The following CSMD2 variants were observed in gnomAD, a reference collection of about 807,000 sequenced individuals.
CSMD2 encodes the protein CUB and sushi domain-containing protein 2.
A neutral mutation model predicts 398.5 loss-of-function variants in CSMD2; 130 were observed. The observed-to-expected ratio is 0.33, with a 90% CI of 0.28 to 0.38. CSMD2 has a LOEUF of 0.38. CSMD2 is among the 10% of genes least tolerant of loss of function. CSMD2 has a pLI of 1.00. For synonymous variants in CSMD2, 1,828 were observed against 1,908.5 expected, an observed-to-expected ratio of 0.96 and a Z score of 1.10; for missense variants, 3,829 against 4,764.9, an observed-to-expected ratio of 0.80 and a Z score of 5.78.
intron 1 of CSMD2, among the ~76,000 whole-genome samples, chr1:34,129,630 C>T (rs1261088537): frequency 1.3e-5 from 2 of 152,008 alleles, no homozygotes; most frequent in South Asian, 2.1e-4. Context: ...CCAGCCTAGG[C>T]GATAGAGCAA....
At chr1:33,837,333 A>G (rs1175539500) in intron 6 of CSMD2, among the ~76,000 whole-genome samples, 2 of 152,234 alleles carry the variant, frequency 1.3e-5, no homozygotes, top group African/African-American at 2.4e-5. Flanking sequence ...AAGATGAACA[A>G]CATAGAAAGA....
intron 1 of CSMD2, among the ~76,000 whole-genome samples, chr1:34,154,170 G>A (rs1200049708): frequency 1.3e-5 from 2 of 152,192 alleles, no homozygotes; most frequent in Admixed American, 6.5e-5. Flanking sequence ...TCAGAGAAGT[G>A]TAAATTAATA....
chr1:33,636,495 A>T lies in CSMD2; in HGVS notation c.4834T>A (p.Ser1612Thr). 1.2e-6 allele frequency: 2 copies of T among 1,613,956 alleles called. No individual in the cohort carries two copies. The highest frequency in any genetic ancestry group is 1.7e-6 in the Non-Finnish European group (2 of 1,179,990). The change falls in exon 30 of 71, where the codon TCC becomes ACC. Residue 1612 changes from serine to threonine, a missense_variant. Physicochemically the swap from Ser to Thr is moderately conservative, Grantham distance 58 (BLOSUM62 1). This residue lies in a region of CSMD2 where 2,001 missense variants were observed against 2,567.1 expected (regional missense o/e 0.78). Transcript: ENST00000373381. This position sits in a 1 kb window ranked among gnomAD's most constrained non-coding sequence, Gnocchi z 4.8. ...ACGGAGGAGCCCAGCTTCAGGTCGG[A>T]CCCCACCCGTGTGCCGTTCTTGATG... Reference protein sequence around the residue: ...GSIKNGTRVGSDLKLGSSVTY... With the variant: ...GSIKNGTRVGTDLKLGSSVTY...
intron 10 of CSMD2, 38 bp from the exon 11 acceptor site, chr1:33,792,564 T>A (rs1208959031): frequency 7.0e-7 from 1 of 1,425,948 alleles, no homozygotes; most frequent in African/African-American, 1.4e-5. Flanking sequence ...AGGCAGGGGC[T>A]GTGAGGAAGC....
chr1:33,526,886 A>G (rs772945753), intron 65 of CSMD2, among the ~76,000 whole-genome samples: 2 of 152,178 alleles, frequency 1.3e-5, no homozygotes, highest in Non-Finnish European at 2.9e-5. Context: ...GCCTGGGTCA[A>G]TGTGTTTGTA....
chr1:33,914,385 A>AGTGTGTGTGT (rs72433922), intron 5 of CSMD2, among the ~76,000 whole-genome samples: 14 of 139,804 alleles, frequency 1.0e-4, no homozygotes, highest in African/African-American at 2.2e-4. Context: ...ACGATTTGGC[A>AGTGTGTGTGT]GTGTGTGTGT....
chr1:34,083,473 AC>A (rs549778190), intron 2 of CSMD2, among the ~76,000 whole-genome samples: 28 of 152,228 alleles, frequency 1.8e-4, no homozygotes, highest in Non-Finnish European at 3.2e-4. Context: ...TTCTCAGTCC[AC>A]TGAAATATTA....
At chr1:33,909,800 C>A (rs1643348348) in intron 5 of CSMD2, among the ~76,000 whole-genome samples, 1 of 152,188 alleles carries the variant, frequency 6.6e-6, no homozygotes, top group Admixed American at 6.5e-5. Flanking sequence ...CCAGTCTTAT[C>A]CCAATGACTG....
In CSMD2 at chr1:33,624,817, G is replaced by T. The variant is rs1465753312; in HGVS notation, c.5501-174C>A. Among the ~76,000 whole-genome samples, 2 of 152,086 alleles carry T rather than the reference G, an allele frequency of 1.3e-5. No individual in the cohort carries two copies. The highest frequency in any genetic ancestry group is 2.9e-5 in the Non-Finnish European group (2 of 68,004). ...GCCTCTCCCCATGCAACTCTGTTCGGGGCCCTGGGCCCAGCTCCTCTCTCC... is the reference window on the plus strand; with the variant it reads ...GCCTCTCCCCATGCAACTCTGTTCGTGGCCCTGGGCCCAGCTCCTCTCTCC... On this transcript the variant is annotated intron_variant, in intron 34 of 70. Transcript: ENST00000373381. The surrounding 1 kb of genome is among the most constrained non-coding windows in gnomAD (Gnocchi z 4.7).
chr1:33,581,529 CA>C (rs59068586), intron 47 of CSMD2, among the ~76,000 whole-genome samples: 8,921 of 35,906 alleles, frequency 0.25, 166 homozygotes, highest in African/African-American at 0.34. Flanking sequence ...GACTCAGTCT[CA>C]AAAAAAAAAA....
chr1:33,668,665 TC>T (rs1644392305), intron 25 of CSMD2, among the ~76,000 whole-genome samples: 1 of 152,102 alleles, frequency 6.6e-6, no homozygotes, highest in Non-Finnish European at 1.5e-5. Flanking sequence ...AGTTTGCAGC[TC>T]CCCTCCCCAT....
rs572224809 is a variant in CSMD2 at position 33,624,370 on chromosome 1, C to A, written c.5625+149G>T. On this transcript the variant is annotated intron_variant, in intron 35 of 70. Coordinates refer to ENST00000373381, the MANE Select transcript of CSMD2 (RefSeq NM_001281956.2). This position sits in a 1 kb window ranked among gnomAD's most constrained non-coding sequence, Gnocchi z 4.7. ...CACACTTGGACTGAGCCTCCTTAGC[C>A]GCAGGGGCAGGTACAGGGCTGATAT... The A allele has an allele frequency of 1.3e-5, 12 of 958,396 alleles. No homozygotes were observed. Among genetic ancestry groups the A allele is most frequent in the Non-Finnish European group, 1.8e-5 (12 of 659,916 alleles). The allele number at this position is 958,396 out of a possible 1,614,324, so 59.4% of individuals were successfully genotyped here.
chr1:33,691,365 T>C (rs1645233858), intron 25 of CSMD2, among the ~76,000 whole-genome samples: 1 of 152,200 alleles, frequency 6.6e-6, no homozygotes, highest in Non-Finnish European at 1.5e-5. Flanking sequence ...GCAGGATGAA[T>C]GTGCATATTT....
intron 4 of CSMD2, among the ~76,000 whole-genome samples, chr1:33,931,369 A>G (rs1644307192): frequency 6.6e-6 from 1 of 152,204 alleles, no homozygotes; most frequent in Non-Finnish European, 1.5e-5. Context: ...CTCCTAAGGA[A>G]GAACAGTTTG....
At chr1:33,896,491 T>C (rs1167911321) in intron 5 of CSMD2, among the ~76,000 whole-genome samples, 10 of 152,162 alleles carry the variant, frequency 6.6e-5, no homozygotes, top group Non-Finnish European at 1.3e-4. Flanking sequence ...GTTTTAAGAT[T>C]ACCCCAGCAG....
intron 16 of CSMD2, among the ~76,000 whole-genome samples, chr1:33,726,289 G>A (rs185421729): frequency 1.0e-3 from 159 of 152,200 alleles, no homozygotes; most frequent in African/African-American, 3.6e-3. Context: ...GGCTGGGGAG[G>A]GGGGAGCTCT....
chr1:33,822,774 G>A (rs1658308506), intron 7 of CSMD2, among the ~76,000 whole-genome samples: 1 of 152,144 alleles, frequency 6.6e-6, no homozygotes, highest in Admixed American at 6.5e-5. Flanking sequence ...GGAAGGAGGA[G>A]GAAGCCTGAG....
At chr1:34,022,740 G>A (rs1649084999) in intron 3 of CSMD2, among the ~76,000 whole-genome samples, 1 of 152,212 alleles carries the variant, frequency 6.6e-6, no homozygotes, top group Admixed American at 6.5e-5. Context: ...GATGGAGGTA[G>A]GGCTCATGCC....
At position 33,722,507 on chromosome 1, in the gene CSMD2, CTT is replaced by C. The variant is rs1431185602; in HGVS notation, c.3001+1688_3001+1689del. 4.6e-5 allele frequency among the ~76,000 whole-genome samples: 7 copies of C among 152,262 alleles called. No homozygotes were observed. In the East Asian group the frequency reaches 1.3e-3, roughly 29 times the overall value. On this transcript the variant is annotated intron_variant, in intron 19 of 70. Coordinates refer to ENST00000373381, the MANE Select transcript of CSMD2 (RefSeq NM_001281956.2). Reference sequence around the variant, plus strand: ...ATGGTATTTCTCTTTTAAAATTACACTTGTTTCATTATTAATGAGGTCCATGA... The same window carrying C: ...ATGGTATTTCTCTTTTAAAATTACACGTTTCATTATTAATGAGGTCCATGA...
Sources: allele counts gnomAD v4.1 joint callset (sites outside exome capture counted in the v4.1 genomes callset), GRCh38; gene constraint gnomAD v4.1.1; regional missense constraint gnomAD v4.1.1; non-coding constraint Gnocchi (gnomAD v3.1); transcripts MANE v1.5; gene names NCBI Gene and HGNC (gene_info 2026-07-23, HGNC 2026-07-21).